Variants in BRCA2 observed in about 807,000 individuals in gnomAD.
BRCA2 encodes the protein BRCA2 DNA repair associated.
Under a neutral mutation model 276.7 loss-of-function variants are expected in BRCA2, and 203 were observed. The observed-to-expected ratio is 0.73, with a 90% CI of 0.65 to 0.82. The LOEUF (loss-of-function observed/expected upper bound fraction) is 0.82. Among genes scored for constraint, BRCA2 ranks in the 40% least tolerant of loss-of-function variants. BRCA2 has a pLI of 0.00. For synonymous variants in BRCA2, 1,289 were observed against 1,338.4 expected, an observed-to-expected ratio of 0.96 and a Z score of 0.81; for missense variants, 3,920 against 3,915.0, an observed-to-expected ratio of 1.00 and a Z score of -0.03.
chr13:32,330,864 C>G, intron 8 of BRCA2, 55 bp from the exon 9 acceptor site: 2 of 1,048,250 alleles, frequency 1.9e-6, no homozygotes, highest in Non-Finnish European at 2.9e-6. Context: ...GGGACTACTA[C>G]TATATGTGCA....
At chr13:32,383,628 G>T (rs1471440773) in intron 24 of BRCA2, among the ~76,000 whole-genome samples, 2 of 152,214 alleles carry the variant, frequency 1.3e-5, no homozygotes, top group Admixed American at 6.5e-5. Context: ...GAAGGGCAAA[G>T]AATTTGGGGG....
intron 10 of BRCA2, 132 bp from the exon 11 acceptor site, chr13:32,336,133 G>A (rs1023907233): frequency 2.1e-5 from 21 of 995,970 alleles, no homozygotes; most frequent in Non-Finnish European, 2.9e-5. Flanking sequence ...TCCTGCCTCA[G>A]CCTCCCAAAA....
chr13:32,393,189 T>C (rs999234785), intron 24 of BRCA2, among the ~76,000 whole-genome samples: 3 of 152,220 alleles, frequency 2.0e-5, no homozygotes, highest in African/African-American at 7.2e-5. Flanking sequence ...TCTTTGTAGT[T>C]AATAAATATC....
intron 3 of BRCA2, among the ~76,000 whole-genome samples, chr13:32,319,708 T>G (rs1566216254): frequency 6.6e-6 from 1 of 152,234 alleles, no homozygotes; most frequent in Non-Finnish European, 1.5e-5. Flanking sequence ...TATCATGATT[T>G]GGAAGGAGTT....
chr13:32,371,242 C>CT, intron 20 of BRCA2, 142 bp downstream of exon 20: 1 of 856,112 alleles, frequency 1.2e-6, no homozygotes, highest in Non-Finnish European at 1.8e-6. Context: ...CTAGGGTATT[C>CT]TTTTTTGGTG....
intron 18 of BRCA2, among the ~76,000 whole-genome samples, chr13:32,364,805 T>G (rs1243859676): frequency 6.6e-6 from 1 of 152,180 alleles, no homozygotes. Context: ...ATATGCTTAC[T>G]CCATTCTGAA....
In BRCA2 at chr13:32,354,799, A is replaced by G. The variant is rs76584943; in HGVS notation, c.7008-62A>G. On this transcript the variant is annotated intron_variant, in intron 13 of 26. Coordinates refer to ENST00000380152, the MANE Select transcript of BRCA2 (RefSeq NM_000059.4). The stretch of plus-strand genomic sequence containing the variant: ...GCAAATGAGGGTCTGCAACAAAGGC[A>G]TATTCCTAAATATTTATATGTGTAC... 7,930 of 1,156,906 alleles carry G rather than the reference A, an allele frequency of 6.9e-3. 63 individuals are homozygous for G. The highest frequency in any genetic ancestry group is 9.3e-3 in the Non-Finnish European group (7,114 of 768,448). 71.7% of individuals were successfully genotyped at this position (1,156,906 alleles called of 1,614,324 possible). A position where few individuals can be genotyped will look rare whatever the true frequency, so the allele number is the denominator to read the frequency against.
intron 24 of BRCA2, among the ~76,000 whole-genome samples, chr13:32,391,202 G>T (rs1452586501): frequency 6.6e-6 from 1 of 152,152 alleles, no homozygotes; most frequent in African/African-American, 2.4e-5. Flanking sequence ...GGAAAGATTT[G>T]TTTTGGGGAA....
intron 3 of BRCA2, among the ~76,000 whole-genome samples, chr13:32,324,254 G>C (rs1054038907): frequency 2.6e-5 from 4 of 152,126 alleles, no homozygotes; most frequent in African/African-American, 9.7e-5. Context: ...TTCTGGAGGA[G>C]GTAGTTTCTA....
chr13:32,366,359 A>G (rs2072782028), intron 18 of BRCA2, among the ~76,000 whole-genome samples: 1 of 152,180 alleles, frequency 6.6e-6, no homozygotes, highest in Admixed American at 6.5e-5. Flanking sequence ...TTGTATGTGT[A>G]TACTCTTTTA....
chr13:32,372,083 A>G (rs2072838484), intron 20 of BRCA2, among the ~76,000 whole-genome samples: 1 of 152,136 alleles, frequency 6.6e-6, no homozygotes, highest in African/African-American at 2.4e-5. Flanking sequence ...TGCAACATTG[A>G]TTGGCTTTTC....
chr13:32,355,464 A>G (rs2072686668), intron 14 of BRCA2, 176 bp downstream of exon 14: 1 of 319,798 alleles, frequency 3.1e-6, no homozygotes, highest in Non-Finnish European at 4.5e-6. Context: ...TTTCTTTCAA[A>G]GATAACTTCT....
At chr13:32,353,099 ATTATC>A (rs1233103670) in intron 13 of BRCA2, among the ~76,000 whole-genome samples, 2 of 152,182 alleles carry the variant, frequency 1.3e-5, no homozygotes, top group Non-Finnish European at 2.9e-5. Flanking sequence ...CATTCCAGCA[ATTATC>A]TTGTCTCTCT....
chr13:32,364,285 G>A (rs2072766503), intron 18 of BRCA2, among the ~76,000 whole-genome samples: 1 of 151,906 alleles, frequency 6.6e-6, no homozygotes, highest in Non-Finnish European at 1.5e-5. Flanking sequence ...GGAAACTCAA[G>A]TAATATAAGA....
Position 32,371,091 on chromosome 13 carries a change from G to A in BRCA2, c.8623G>A (p.Glu2875Lys), listed in dbSNP as rs2137601108. ...CACTAAAATTCAGGAGGAATTTGAA[G>A]AACATGAAGGTAAAATTAGTTATAT... ...LFTKIQEEFE[E>K]HEENTTKPYL... Residue 2875 changes from glutamate (E) to lysine (K), a missense_variant, in exon 20 of 27, where the codon GAA (glutamate) becomes AAA (lysine). Coordinates refer to ENST00000380152, the MANE Select transcript of BRCA2 (RefSeq NM_000059.4). 1 of 1,613,860 alleles carries A rather than the reference G, an allele frequency of 6.2e-7. No homozygotes were observed. The highest frequency in any genetic ancestry group is 1.7e-5 in the Admixed American group (1 of 60,012).
chr13:32,365,523 G>C (rs11571728), intron 18 of BRCA2, among the ~76,000 whole-genome samples: 1 of 151,942 alleles, frequency 6.6e-6, no homozygotes, highest in Non-Finnish European at 1.5e-5. Context: ...TGGGATTACA[G>C]GTACCTGCCA....
chr13:32,334,553 TG>T (rs1157565833), intron 10 of BRCA2, among the ~76,000 whole-genome samples: 1 of 151,738 alleles, frequency 6.6e-6, no homozygotes, highest in African/African-American at 2.4e-5. Context: ...ATGCTTCTGA[TG>T]TTGTAGCTAC....
Position 32,363,498 on chromosome 13 carries a change from A to G in BRCA2, c.8296A>G (p.Thr2766Ala), listed in dbSNP as rs774027004. The G allele has an allele frequency of 6.2e-7, 1 of 1,614,076 alleles. No homozygotes were observed. Residue 2766 changes from threonine (T) to alanine (A), a missense_variant, in exon 18 of 27, where the codon ACA becomes GCA. Thr to Ala is a moderately conservative substitution (Grantham distance 58, BLOSUM62 0). Coordinates refer to ENST00000380152, the MANE Select transcript of BRCA2 (RefSeq NM_000059.4). ...ACTGGTGGGCTCTCCTGATGCCTGT[A>G]CACCTCTTGAAGCCCCAGAATCTCT... The part of the protein sequence containing the change: ...AELVGSPDAC[T>A]PLEAPESLML...
At chr13:32,362,779 T>G in intron 17 of BRCA2, 86 bp downstream of exon 17, 6 of 1,467,612 alleles carry the variant, frequency 4.1e-6, no homozygotes, top group Non-Finnish European at 5.7e-6. Flanking sequence ...TGTCAAAATG[T>G]TGCACAAGCC....
Sources: gnomAD v4.1 joint callset for allele counts (sites outside exome capture counted in the v4.1 genomes callset) on GRCh38, gnomAD v4.1.1 for gene constraint, MANE v1.5 for transcripts, NCBI Gene and HGNC (gene_info 2026-07-23, HGNC 2026-07-21) for gene names.